TEKT5: variants seen among roughly 807,000 people sequenced by gnomAD.
TEKT5 encodes the protein tektin-5.
Under a neutral mutation model 48.7 loss-of-function variants are expected in TEKT5, and 52 were observed. The ratio of observed to expected loss-of-function variants is 1.07; its 90% CI spans 0.86 to 1.35. TEKT5 has a LOEUF of 1.35. TEKT5 is among the 40% of genes most tolerant of loss of function. The probability of loss-of-function intolerance (pLI) is 0.00; values close to 1 mark genes in which losing one functional copy is unlikely to be tolerated. For synonymous variants in TEKT5, 318 were observed against 267.6 expected, an observed-to-expected ratio of 1.19 and a Z score of -1.84; for missense variants, 831 against 641.6, an observed-to-expected ratio of 1.30 and a Z score of -3.19.
At chr16:10,679,553 C>A (rs1374277887) in intron 4 of TEKT5, among the ~76,000 whole-genome samples, 1 of 151,858 alleles carries the variant, frequency 6.6e-6, no homozygotes, top group East Asian at 1.9e-4. Context: ...GCAATTCAGA[C>A]AGTCACCAAA....
chr16:10,637,334 C>T (rs1354497987), intron 5 of TEKT5, among the ~76,000 whole-genome samples: 2 of 137,920 alleles, frequency 1.5e-5, no homozygotes, highest in African/African-American at 6.0e-5. Context: ...CCACACCCAG[C>T]CCGCTTTAAA....
chr16:10,647,421 G>A (rs1171151007), intron 5 of TEKT5, among the ~76,000 whole-genome samples: 2 of 151,052 alleles, frequency 1.3e-5, no homozygotes, highest in Admixed American at 6.6e-5. Flanking sequence ...GCAGTGAGCT[G>A]TGATGACGCC....
chr16:10,677,953 G>C (rs1255211084), intron 4 of TEKT5, among the ~76,000 whole-genome samples: 5 of 152,216 alleles, frequency 3.3e-5, no homozygotes, highest in Non-Finnish European at 7.3e-5. Context: ...GGCTACATTA[G>C]CAAAGGCAGG....
At chr16:10,646,472 G>T (rs942945445) in intron 5 of TEKT5, among the ~76,000 whole-genome samples, 1 of 152,172 alleles carries the variant, frequency 6.6e-6, no homozygotes, top group African/African-American at 2.4e-5. Flanking sequence ...GGATTTTACA[G>T]TCACTTTGCT....
intron 6 of TEKT5, among the ~76,000 whole-genome samples, chr16:10,631,744 C>T (rs189699382): frequency 4.9e-4 from 74 of 152,146 alleles, no homozygotes; most frequent in Non-Finnish European, 4.1e-4. Flanking sequence ...GAGATGGGAG[C>T]GATGCGGCTA....
chr16:10,664,341 C>G (rs7194053), intron 5 of TEKT5, among the ~76,000 whole-genome samples: 2 of 151,592 alleles, frequency 1.3e-5, no homozygotes, highest in East Asian at 1.9e-4. Context: ...ATATACCTAG[C>G]GGGCTTGTTA....
chr16:10,652,663 T>A (rs1596406096), intron 5 of TEKT5, among the ~76,000 whole-genome samples: 1 of 44,534 alleles, frequency 2.2e-5, no homozygotes, highest in Non-Finnish European at 3.6e-5. Flanking sequence ...AGTAGAGCGA[T>A]CCCTTATATA....
At chr16:10,670,721 G>A (rs1898535741) in intron 5 of TEKT5, among the ~76,000 whole-genome samples, 1 of 152,098 alleles carries the variant, frequency 6.6e-6, no homozygotes, top group African/African-American at 2.4e-5. Flanking sequence ...TTTCAGATGG[G>A]TGCTAACTTA....
chr16:10,683,277 C>G (rs1156907124), intron 3 of TEKT5, among the ~76,000 whole-genome samples: 2 of 149,544 alleles, frequency 1.3e-5, no homozygotes, highest in Non-Finnish European at 3.0e-5. Flanking sequence ...GGATCAGGAA[C>G]TGGGTGGAGT....
At chr16:10,672,785 C>T (rs111489795) in intron 5 of TEKT5, among the ~76,000 whole-genome samples, 72 of 152,142 alleles carry the variant, frequency 4.7e-4, no homozygotes, top group African/African-American at 1.6e-3. Context: ...ACTATGTGCC[C>T]GCACTCCTTC....
chr16:10,684,847 G>A (rs1251920946), intron 3 of TEKT5, among the ~76,000 whole-genome samples: 2 of 152,112 alleles, frequency 1.3e-5, no homozygotes, highest in African/African-American at 2.4e-5. Context: ...TCTCTATCAG[G>A]AAGAGCCTTT....
At chr16:10,637,987 T>C (rs1897940166) in intron 5 of TEKT5, among the ~76,000 whole-genome samples, 1 of 152,110 alleles carries the variant, frequency 6.6e-6, no homozygotes, top group African/African-American at 2.4e-5. Flanking sequence ...ATTGTTTAAT[T>C]TTTTTCAAGA....
At chr16:10,670,080 T>G (rs1334739027) in intron 5 of TEKT5, among the ~76,000 whole-genome samples, 2 of 152,238 alleles carry the variant, frequency 1.3e-5, no homozygotes, top group Admixed American at 1.3e-4. Context: ...CGTGGAGCCG[T>G]GTAGATTTGG....
intron 5 of TEKT5, among the ~76,000 whole-genome samples, chr16:10,641,738 C>T (rs1466443905): frequency 6.6e-6 from 1 of 152,146 alleles, no homozygotes; most frequent in Non-Finnish European, 1.5e-5. Flanking sequence ...AGGAGCATCA[C>T]CTGAGCATGA....
chr16:10,652,008 T>C (rs1898167293), intron 5 of TEKT5, among the ~76,000 whole-genome samples: 1 of 152,026 alleles, frequency 6.6e-6, no homozygotes, highest in African/African-American at 2.4e-5. Context: ...CCAGACTATC[T>C]AAATCCCAGC....
chr16:10,650,320 C>T (rs1417939998), intron 5 of TEKT5, among the ~76,000 whole-genome samples: 3 of 151,818 alleles, frequency 2.0e-5, no homozygotes, highest in Non-Finnish European at 2.9e-5. Context: ...AAGCAGGTCT[C>T]GAACTCCTGA....
chr16:10,666,438 G>T (rs751086873), intron 5 of TEKT5, among the ~76,000 whole-genome samples: 3 of 152,136 alleles, frequency 2.0e-5, no homozygotes, highest in Admixed American at 2.0e-4. Context: ...GCCCTGCGCC[G>T]TGTGGGATGT....
intron 1 of TEKT5, chr16:10,692,997 C>A (rs111597512): frequency 2.0e-5 from 3 of 152,208 alleles, no homozygotes; most frequent in South Asian, 4.1e-4. Context: ...TTGTTACATG[C>A]GGCTAAAAAC....
At chr16:10,647,202 G>A (rs926170064) in intron 5 of TEKT5, among the ~76,000 whole-genome samples, 9 of 152,070 alleles carry the variant, frequency 5.9e-5, no homozygotes, top group Non-Finnish European at 1.2e-4. Context: ...GGGCGCGGTG[G>A]CTGACAACTG....
Sources: gnomAD v4.1 joint callset for allele counts (sites outside exome capture counted in the v4.1 genomes callset) on GRCh38, gnomAD v4.1.1 for gene constraint, MANE v1.5 for transcripts, NCBI Gene and HGNC (gene_info 2026-07-23, HGNC 2026-07-21) for gene names.